CEP63: variants seen among roughly 807,000 people sequenced by gnomAD.
The protein encoded by CEP63 is centrosomal protein of 63 kDa.
CEP63 carries 84 observed loss-of-function variants against 89.1 expected under a neutral mutation model. The observed-to-expected ratio is 0.94, with a 90% CI of 0.79 to 1.13. CEP63 has a LOEUF of 1.13. Ranked by LOEUF, CEP63 falls within the 50% of genes most tolerant of loss-of-function variation. The pLI, the probability that CEP63 is intolerant of heterozygous loss-of-function variation, is 0.00. For missense variants in CEP63, 838 were observed against 813.3 expected (o/e 1.03, Z -0.37); for synonymous variants, 267 against 272.5 (o/e 0.98, Z 0.20).
At chr3:134,490,197 T>A (rs892803256) in intron 1 of CEP63, among the ~76,000 whole-genome samples, 1 of 152,150 alleles carries the variant, frequency 6.6e-6, no homozygotes, top group Non-Finnish European at 1.5e-5. Flanking sequence ...AAAACACAAA[T>A]ATGCAAAATT....
At chr3:134,656,912 C>G in the CEP63 span, among the ~76,000 whole-genome samples, 3 of 152,202 alleles carry the variant, frequency 2.0e-5, no homozygotes, top group Admixed American at 6.5e-5. Flanking sequence ...AATAAAGCCA[C>G]CTAAATCCCG....
At chr3:134,581,757 G>T (rs1958357146) in intron 10 of CEP63, among the ~76,000 whole-genome samples, 1 of 132,276 alleles carries the variant, frequency 7.6e-6, no homozygotes, top group Non-Finnish European at 1.6e-5. Flanking sequence ...CTCACTGCAA[G>T]CTCCGCCTCC....
chr3:134,655,380 C>T, the CEP63 span, among the ~76,000 whole-genome samples: 2 of 152,202 alleles, frequency 1.3e-5, no homozygotes, highest in African/African-American at 2.4e-5. Context: ...CAGATCTGTG[C>T]GGCTGCAGCC....
chr3:134,712,837 T>C, the CEP63 span, among the ~76,000 whole-genome samples: 7 of 152,212 alleles, frequency 4.6e-5, no homozygotes, highest in African/African-American at 1.7e-4. Context: ...AGAATACTTT[T>C]GCAGTTTCTT....
chr3:134,607,946 G>A, the CEP63 span: 21 of 996,042 alleles, frequency 2.1e-5, no homozygotes, highest in East Asian at 1.1e-4. Context: ...CTGTGTCCCC[G>A]CCTCTCCTCT....
Position 134,486,194 on chromosome 3 carries a change from C to A in CEP63, c.-34C>A, listed in dbSNP as rs375029950. On this transcript the variant is annotated 5_prime_UTR_variant, in exon 1 of 15. Transcript: ENST00000675561. The stretch of plus-strand genomic sequence containing the variant: ...TAGCGGTGGCGCGCGTGCGCAGCGC[C>A]GGCCCGAGGTAACGGCGGGAAGGCT... 2.0e-4 allele frequency: 198 copies of A among 985,606 alleles called. 1 individual carries two copies. In the African/African-American group the frequency reaches 3.4e-3, roughly 17 times the overall value. 61.1% of individuals were successfully genotyped at this position (985,606 alleles called of 1,614,324 possible). A position where few individuals can be genotyped will look rare whatever the true frequency, so the allele number is the denominator to read the frequency against.
chr3:134,720,790 T>C, the CEP63 span, among the ~76,000 whole-genome samples: 1 of 152,142 alleles, frequency 6.6e-6, no homozygotes, highest in African/African-American at 2.4e-5. Context: ...TGACCATAAA[T>C]ATAAGAGTTT....
At chr3:134,530,838 T>C (rs1949722322) in intron 3 of CEP63, among the ~76,000 whole-genome samples, 1 of 152,228 alleles carries the variant, frequency 6.6e-6, no homozygotes, top group African/African-American at 2.4e-5. Context: ...ATAAGTAGCT[T>C]ATTTCTAGTA....
the CEP63 span, among the ~76,000 whole-genome samples, chr3:134,666,976 G>A: frequency 6.6e-6 from 1 of 152,114 alleles, no homozygotes. Flanking sequence ...AACATCCCCT[G>A]TCCCCTGTGT....
At chr3:134,695,207 C>G in the CEP63 span, among the ~76,000 whole-genome samples, 3 of 152,162 alleles carry the variant, frequency 2.0e-5, no homozygotes, top group African/African-American at 7.2e-5. Flanking sequence ...TGGAAATAAC[C>G]ACTGGGGCAT....
intron 2 of CEP63, among the ~76,000 whole-genome samples, chr3:134,501,569 G>GT (rs1942005031): frequency 1.3e-5 from 1 of 79,662 alleles, no homozygotes; most frequent in Non-Finnish European, 2.7e-5. Flanking sequence ...TGTATTCTTA[G>GT]ATTTTTTTTT....
the CEP63 span, among the ~76,000 whole-genome samples, chr3:134,622,221 A>G: frequency 1.3e-5 from 2 of 152,298 alleles, no homozygotes; most frequent in East Asian, 3.9e-4. Flanking sequence ...GTACGCAACC[A>G]AAAAAACCGA....
At chr3:134,539,223 C>T (rs540143510) in intron 6 of CEP63, among the ~76,000 whole-genome samples, 29 of 152,212 alleles carry the variant, frequency 1.9e-4, no homozygotes, top group African/African-American at 7.0e-4. Context: ...ATCATCTTGT[C>T]AATCTTTATT....
the CEP63 span, among the ~76,000 whole-genome samples, chr3:134,686,353 C>T: frequency 1.3e-5 from 2 of 152,148 alleles, no homozygotes; most frequent in African/African-American, 2.4e-5. Flanking sequence ...AAGGTAGGCT[C>T]AAGTTACTGA....
intron 3 of CEP63, among the ~76,000 whole-genome samples, 167 bp from the exon 4 acceptor site, chr3:134,531,678 C>A (rs1407183348): frequency 6.6e-6 from 1 of 152,160 alleles, no homozygotes; most frequent in Non-Finnish European, 1.5e-5. Flanking sequence ...GTAAAGAATT[C>A]TTAAATAACT....
chr3:134,531,868 A>G lies in CEP63; in HGVS notation c.246A>G (p.Val82=), dbSNP rs774856871. 3 of 1,613,536 alleles carry G rather than the reference A, an allele frequency of 1.9e-6. No individual in the cohort carries two copies. The highest frequency in any genetic ancestry group is 1.7e-5 in the Admixed American group (1 of 60,022). Residue 82 remains valine (V), a synonymous_variant, in exon 4 of 15, where the codon GTA becomes GTG. Coordinates refer to ENST00000675561, the MANE Select transcript of CEP63 (RefSeq NM_001353108.3). ...HKEVGMLHQQ[V]EEHEKIKQEM... is the part of the protein sequence containing the mutation. ...AGGTTGGAATGTTGCATCAGCAGGT[A>G]GAAGAACATGAAAAAATCAAGCAAG...
At chr3:134,619,640 T>C in the CEP63 span, among the ~76,000 whole-genome samples, 1,085 of 152,280 alleles carry the variant, frequency 7.1e-3, 50 homozygotes, top group East Asian at 0.12. Context: ...TGCTGACCCA[T>C]GGGGCACACA....
At chr3:134,753,710 C>T in the CEP63 span, among the ~76,000 whole-genome samples, 4 of 152,298 alleles carry the variant, frequency 2.6e-5, no homozygotes, top group South Asian at 6.2e-4. Context: ...CCTCATAATG[C>T]GCCTTGGAGG....
chr3:134,736,847 G>A, the CEP63 span, among the ~76,000 whole-genome samples: 2 of 152,130 alleles, frequency 1.3e-5, no homozygotes, highest in African/African-American at 4.8e-5. Context: ...AATGGGCCAA[G>A]AATAGTCAAG....
Sources: gnomAD v4.1 joint callset for allele counts (sites outside exome capture counted in the v4.1 genomes callset) on GRCh38, gnomAD v4.1.1 for gene constraint, MANE v1.5 for transcripts, NCBI Gene and HGNC (gene_info 2026-07-23, HGNC 2026-07-21) for gene names.